Variants in RNF141 observed in about 807,000 individuals in gnomAD.
The protein encoded by RNF141 is C3HC4-like zinc finger protein.
A neutral mutation model predicts 27.4 loss-of-function variants in RNF141; 18 were observed. The observed-to-expected ratio is 0.66, with a 90% CI of 0.45 to 0.97. The LOEUF is 0.97. RNF141 is among the 50% of genes least tolerant of loss of function. The pLI is 0.00. For missense variants in RNF141, 230 were observed against 279.4 expected (o/e 0.82, Z 1.26); for synonymous variants, 97 against 96.6 (o/e 1.00, Z -0.02).
rs1849807566 is a variant in RNF141 at position 10,512,338 on chromosome 11, A to G, written c.*2578T>C. ...AATTATCACCCAGTTCAATAGAGCGAACAAAGAGCTGTGCTCATTTATTTA... is the reference window on the plus strand; with the variant it reads ...AATTATCACCCAGTTCAATAGAGCGGACAAAGAGCTGTGCTCATTTATTTA... On this transcript the variant is annotated 3_prime_UTR_variant, in exon 6 of 6. Transcript: ENST00000265981. The G allele has an allele frequency of 6.5e-6, 1 of 152,684 alleles. No individual in the cohort carries two copies. Among genetic ancestry groups the G allele is most frequent in the Non-Finnish European group, 1.5e-5 (1 of 68,044 alleles). The allele number at this position is 152,684 out of a possible 1,614,324, so 9.5% of individuals were successfully genotyped here.
intron 2 of RNF141, among the ~76,000 whole-genome samples, chr11:10,533,164 A>G (rs1385011315): frequency 6.6e-6 from 1 of 152,238 alleles, no homozygotes; most frequent in Non-Finnish European, 1.5e-5. Flanking sequence ...CAGATTTAAA[A>G]GAAAGATATG....
At chr11:10,537,533 C>T (rs9665807) in intron 1 of RNF141, among the ~76,000 whole-genome samples, 33 of 152,254 alleles carry the variant, frequency 2.2e-4, no homozygotes, top group African/African-American at 7.9e-4. Context: ...TAGAATTTCT[C>T]TCCCTCTGCT....
intron 4 of RNF141, among the ~76,000 whole-genome samples, chr11:10,521,209 C>A (rs1849885332): frequency 6.6e-6 from 1 of 152,186 alleles, no homozygotes; most frequent in Admixed American, 6.5e-5. Flanking sequence ...TTAGTAAGCT[C>A]CAACCTTGGT....
At chr11:10,525,421 C>A (rs1026757249) in intron 3 of RNF141, 48 bp from the exon 4 acceptor site, 2 of 1,412,132 alleles carry the variant, frequency 1.4e-6, no homozygotes, top group Non-Finnish European at 1.9e-6. Flanking sequence ...ATTTCTCTGA[C>A]CAATTTTTCC....
At chr11:10,521,122 AC>A (rs1468952310) in intron 4 of RNF141, among the ~76,000 whole-genome samples, 2 of 152,224 alleles carry the variant, frequency 1.3e-5, no homozygotes, top group African/African-American at 4.8e-5. Flanking sequence ...TGCTCCAGCC[AC>A]AATTCAGAGA....
At position 10,533,221 on chromosome 11, in the gene RNF141, T is replaced by C. The variant is rs370994212; in HGVS notation, c.143+795A>G. Among the ~76,000 whole-genome samples the C allele has an allele frequency of 2.6e-4, 39 of 152,208 alleles. No individual in the cohort carries two copies. The East Asian group carries it at 4.4e-3, about 17-fold the overall frequency. On this transcript the variant is annotated intron_variant, in intron 2 of 5. Coordinates refer to ENST00000265981, the MANE Select transcript of RNF141 (RefSeq NM_016422.4). ...AGGGAGAAAATAAATAGCAAAAAAG[T>C]CATATTTTAAAAGCACAGTGGTCTG...
At chr11:10,524,587 C>A (rs1849916081) in intron 4 of RNF141, among the ~76,000 whole-genome samples, 1 of 152,090 alleles carries the variant, frequency 6.6e-6, no homozygotes, top group South Asian at 2.1e-4. Flanking sequence ...TGTCAAATGT[C>A]AAGAAGTGGG....
At chr11:10,539,290 TAACTA>T (rs1432795769) in intron 1 of RNF141, among the ~76,000 whole-genome samples, 1 of 152,088 alleles carries the variant, frequency 6.6e-6, no homozygotes, top group Non-Finnish European at 1.5e-5. Context: ...ATTCATAAAA[TAACTA>T]AAGCAAAATG....
Position 10,511,801 on chromosome 11 carries a change from G to T in RNF141, c.*3115C>A, listed in dbSNP as rs1849801982. The T allele has an allele frequency of 6.6e-6, 1 of 152,536 alleles. No homozygotes were observed. The highest frequency in any genetic ancestry group is 2.1e-4 in the South Asian group (1 of 4,822). The allele number at this position is 152,536 out of a possible 1,614,324, so 9.4% of individuals were successfully genotyped here. On this transcript the variant is annotated 3_prime_UTR_variant, in exon 6 of 6. Coordinates refer to ENST00000265981, the MANE Select transcript of RNF141 (RefSeq NM_016422.4). Reference sequence around the variant, plus strand: ...AAGGAAATCGAGTCCAATTTGAAATGAATTTTAAAACAGCACACAAACATC... The same window carrying T: ...AAGGAAATCGAGTCCAATTTGAAATTAATTTTAAAACAGCACACAAACATC...
intron 1 of RNF141, among the ~76,000 whole-genome samples, chr11:10,535,041 T>A (rs1850022154): frequency 2.0e-5 from 3 of 151,696 alleles, no homozygotes; most frequent in Non-Finnish European, 2.9e-5. Context: ...AGTTTTTAAA[T>A]GCCCCCAAAA....
intron 1 of RNF141, among the ~76,000 whole-genome samples, chr11:10,538,396 G>A (rs1331871135): frequency 6.6e-6 from 1 of 152,176 alleles, no homozygotes; most frequent in East Asian, 1.9e-4. Flanking sequence ...AATAAGATAT[G>A]ACTCTGTGAT....
At position 10,514,773 on chromosome 11, in the gene RNF141, G is replaced by C. The variant is rs1849830388; in HGVS notation, c.*143C>G. The C allele has an allele frequency of 1.4e-6, 1 of 691,798 alleles. No homozygotes were observed. The highest frequency in any genetic ancestry group is 2.2e-6 in the Non-Finnish European group (1 of 464,252). 42.9% of individuals were successfully genotyped at this position (691,798 alleles called of 1,614,324 possible). ...ACATGGGAAGTTTATTTTTAAAAGG[G>C]GGACAAATGATCAGAATAGCAAAAA... On this transcript the variant is annotated 3_prime_UTR_variant, in exon 6 of 6. Transcript: ENST00000265981.
rs187423531 is a variant in RNF141, at chr11:10,512,246, T to C, written c.*2670A>G. 16 of 152,756 alleles carry C rather than the reference T, an allele frequency of 1.0e-4. No homozygotes were observed. The highest frequency in any genetic ancestry group is 3.8e-4 in the African/African-American group (16 of 41,580). 9.5% of individuals were successfully genotyped at this position (152,756 alleles called of 1,614,324 possible). A position where few individuals can be genotyped will look rare whatever the true frequency, so the allele number is the denominator to read the frequency against. On this transcript the variant is annotated 3_prime_UTR_variant, in exon 6 of 6. Transcript: ENST00000265981. The stretch of plus-strand genomic sequence containing the variant: ...ATACAAAAAGTGTACATTTCATCCA[T>C]TAAACAAATTTACAACTTTTACGAT...
At chr11:10,539,356 A>G (rs1810107984) in intron 1 of RNF141, among the ~76,000 whole-genome samples, 1 of 152,118 alleles carries the variant, frequency 6.6e-6, no homozygotes, top group Admixed American at 6.5e-5. Context: ...ACTGCACTGT[A>G]GTATTTTAAA....
chr11:10,539,806 T>C (rs1417537692), intron 1 of RNF141, among the ~76,000 whole-genome samples: 1 of 149,582 alleles, frequency 6.7e-6, no homozygotes, highest in East Asian at 2.0e-4. Context: ...GCATTTCATA[T>C]TGGAAAAAGC....
chr11:10,536,052 A>G (rs1296195546), intron 1 of RNF141, among the ~76,000 whole-genome samples: 2 of 152,328 alleles, frequency 1.3e-5, no homozygotes, highest in East Asian at 3.9e-4. Context: ...TGGAGAAGAG[A>G]CAGTAACCAC....
intron 2 of RNF141, chr11:10,532,061 T>C (rs1384095851): frequency 2.3e-6 from 1 of 438,328 alleles, no homozygotes; most frequent in Non-Finnish European, 4.5e-6. Flanking sequence ...GTAAGCTTAG[T>C]TTGTGGATGG....
At chr11:10,517,490 C>T (rs1564865204) in intron 5 of RNF141, 1 of 151,970 alleles carries the variant, frequency 6.6e-6, no homozygotes, top group African/African-American at 2.4e-5. Context: ...TTTGATGACA[C>T]CGTAAATCAA....
At chr11:10,524,891 C>G (rs1232976385) in intron 4 of RNF141, among the ~76,000 whole-genome samples, 1 of 152,086 alleles carries the variant, frequency 6.6e-6, no homozygotes. Context: ...ACCTAAATAC[C>G]TATTATAAGG....
Sources: gnomAD v4.1 joint callset for allele counts (sites outside exome capture counted in the v4.1 genomes callset) on GRCh38, gnomAD v4.1.1 for gene constraint, MANE v1.5 for transcripts, NCBI Gene and HGNC (gene_info 2026-07-23, HGNC 2026-07-21) for gene names.